SSPN: variants seen among roughly 807,000 people sequenced by gnomAD.
SSPN encodes the protein K-ras oncogene-associated protein.
Under a neutral mutation model 19.1 loss-of-function variants are expected in SSPN, and 15 were observed. The observed-to-expected ratio is 0.78, with a 90% CI of 0.52 to 1.21. The LOEUF is 1.21. Among genes scored for constraint, SSPN ranks in the 50% most tolerant of loss-of-function variants. SSPN has a pLI of 0.00. For synonymous variants in SSPN, 147 were observed against 140.3 expected (o/e 1.05, Z -0.34); for missense variants, 291 against 314.0 (o/e 0.93, Z 0.55).
Position 26,215,175 on chromosome 12 carries a change from G to A in SSPN, c.280-9118G>A, listed in dbSNP as rs890560515. 3.3e-5 allele frequency among the ~76,000 whole-genome samples: 5 copies of A among 152,170 alleles called. No homozygotes were observed. In the South Asian group the frequency reaches 6.2e-4, roughly 19 times the overall value. On this transcript the variant is annotated intron_variant, in intron 1 of 2. Transcript: ENST00000242729. ...CACAGTAAAGGTTGAGCTAAATTCT[G>A]TTGGAGAGTGATACCTAGATTAGGG...
At chr12:26,201,069 A>T (rs1944880752) in intron 1 of SSPN, among the ~76,000 whole-genome samples, 1 of 141,340 alleles carries the variant, frequency 7.1e-6, no homozygotes, top group Non-Finnish European at 1.5e-5. Context: ...TTTGGAAATA[A>T]AATGGAATAT....
intron 1 of SSPN, among the ~76,000 whole-genome samples, chr12:26,151,623 A>G (rs1944526077): frequency 1.3e-5 from 2 of 152,194 alleles, no homozygotes; most frequent in African/African-American, 2.4e-5. Context: ...CCCTGCCCCC[A>G]TGGAGCTTGC....
intron 1 of SSPN, among the ~76,000 whole-genome samples, chr12:26,203,699 G>A (rs1428088270): frequency 2.0e-5 from 3 of 152,054 alleles, no homozygotes; most frequent in Non-Finnish European, 2.9e-5. Context: ...TGTCTTAGTC[G>A]GCTCAGGCTG....
intron 1 of SSPN, among the ~76,000 whole-genome samples, chr12:26,202,535 A>G (rs979676562): frequency 2.0e-5 from 3 of 152,242 alleles, no homozygotes; most frequent in Admixed American, 2.0e-4. Flanking sequence ...TGAATGCTAG[A>G]TGTTGATATT....
intron 1 of SSPN, chr12:26,124,218 G>C (rs747354885): frequency 7.4e-7 from 1 of 1,352,798 alleles, no homozygotes; most frequent in South Asian, 1.2e-5. Flanking sequence ...AAAACAGTAA[G>C]CGAAACATTC....
At chr12:26,200,858 C>G (rs1472210250) in intron 1 of SSPN, among the ~76,000 whole-genome samples, 1 of 151,216 alleles carries the variant, frequency 6.6e-6, no homozygotes, top group Admixed American at 6.6e-5. Context: ...TTGTTAGGAA[C>G]TGAGGAGAGA....
chr12:26,199,430 A>C (rs1944859121), intron 1 of SSPN, among the ~76,000 whole-genome samples: 1 of 152,250 alleles, frequency 6.6e-6, no homozygotes, highest in African/African-American at 2.4e-5. Flanking sequence ...CGTAACCTGT[A>C]AAAGTGCTGT....
Position 26,233,322 on chromosome 12 carries a change from C to T in SSPN, c.*2246C>T, listed in dbSNP as rs1945253923. On this transcript the variant is annotated 3_prime_UTR_variant, in exon 3 of 3. Transcript: ENST00000242729. The surrounding 1 kb of genome is among the most constrained non-coding windows in gnomAD (Gnocchi z 4.3). ...TGTAATAAGCTTTATAATAGTATAA[C>T]CGTCAGGAGATATATATATATATAT... 1 of 131,430 alleles carries T rather than the reference C, an allele frequency of 7.6e-6. No homozygotes were observed. Among genetic ancestry groups the T allele is most frequent in the Non-Finnish European group, 1.5e-5 (1 of 65,608 alleles). The allele number at this position is 131,430 out of a possible 1,614,324, so 8.1% of individuals were successfully genotyped here. A position where few individuals can be genotyped will look rare whatever the true frequency, so the allele number is the denominator to read the frequency against.
intron 1 of SSPN, among the ~76,000 whole-genome samples, chr12:26,168,973 G>A (rs1383729656): frequency 6.6e-6 from 1 of 151,160 alleles, no homozygotes. Flanking sequence ...ACAGGGTAAA[G>A]ACATAATGGT....
intron 1 of SSPN, among the ~76,000 whole-genome samples, chr12:26,165,830 T>A (rs1260445693): frequency 6.6e-6 from 1 of 152,230 alleles, no homozygotes; most frequent in East Asian, 1.9e-4. Context: ...GCTGGCCAGT[T>A]GTTCTCAGGC....
At chr12:26,141,330 C>T (rs895723839) in intron 1 of SSPN, among the ~76,000 whole-genome samples, 9 of 152,080 alleles carry the variant, frequency 5.9e-5, no homozygotes, top group Admixed American at 3.3e-4. Flanking sequence ...GACGGGAAAA[C>T]GTAAGGAAAT....
chr12:26,130,439 T>A (rs1370279011), intron 1 of SSPN, among the ~76,000 whole-genome samples: 4 of 152,086 alleles, frequency 2.6e-5, no homozygotes, highest in Admixed American at 2.6e-4. Context: ...ACTCCTACTT[T>A]AAAAAAACAA....
intron 1 of SSPN, among the ~76,000 whole-genome samples, chr12:26,172,721 A>C (rs926797242): frequency 3.3e-5 from 5 of 151,652 alleles, no homozygotes; most frequent in African/African-American, 1.2e-4. Flanking sequence ...ATCCTCAAAA[A>C]CACTTGTTTT....
At chr12:26,166,262 A>T (rs1425804425) in intron 1 of SSPN, among the ~76,000 whole-genome samples, 2 of 152,202 alleles carry the variant, frequency 1.3e-5, no homozygotes, top group Admixed American at 1.3e-4. Context: ...CCAGAACTTA[A>T]AGTATAATAA....
upstream of SSPN, among the ~76,000 whole-genome samples, chr12:26,190,847 C>A (rs1944783090): frequency 6.6e-6 from 1 of 152,170 alleles, no homozygotes; most frequent in Non-Finnish European, 1.5e-5. Flanking sequence ...AACTAAGACC[C>A]ATATGATCAC....
rs144410569 is a variant in SSPN, at chr12:26,137,436, A to C, written c.-31+15284A>C. 9.9e-5 allele frequency among the ~76,000 whole-genome samples: 15 copies of C among 152,054 alleles called. No homozygotes were observed. The East Asian group carries it at 2.7e-3, about 27-fold the overall frequency. On this transcript the variant is annotated intron_variant, in intron 1 of 2. Coordinates refer to the SSPN transcript ENST00000538142. ...AACTGTGAGCATAAGGTTAAGCTTT[A>C]CGAATACCTGTTTGCCTAGTTGGGA...
chr12:26,182,830 T>G (rs981518407), intron 1 of SSPN, among the ~76,000 whole-genome samples: 3 of 151,548 alleles, frequency 2.0e-5, no homozygotes, highest in African/African-American at 7.3e-5. Context: ...TAGGGCAATC[T>G]GTGCTCACTA....
In SSPN at chr12:26,130,772, T is replaced by G. The variant is rs183881133; in HGVS notation, c.-31+8620T>G. Among the ~76,000 whole-genome samples the G allele has an allele frequency of 4.3e-3, 662 of 152,306 alleles. 4 individuals are homozygous for G. Among genetic ancestry groups the G allele is most frequent in the African/African-American group, 0.014 (593 of 41,552 alleles). On this transcript the variant is annotated intron_variant, in intron 1 of 2. Transcript: ENST00000538142. Reference sequence around the variant, plus strand: ...TAAAAGTGCCATCAGTGTCCCACACTTCTGCTTTTCCACTCTCCACCAGCG... The same window carrying G: ...TAAAAGTGCCATCAGTGTCCCACACGTCTGCTTTTCCACTCTCCACCAGCG...
chr12:26,195,641 G>GCTGCCCCC lies in SSPN; in HGVS notation c.-31_-30insTGCCCCCC. ...CTCCAGGGCCCAGGGCGCCGCACAC[G>GCTGCCCCC]CACCCACCCACCCACCCAGCCTCGC... On this transcript the variant is annotated 5_prime_UTR_variant, in exon 1 of 3. Transcript: ENST00000242729. 1.8e-6 allele frequency: 2 copies of GCTGCCCCC among 1,105,396 alleles called. No individual in the cohort carries two copies. The highest frequency in any genetic ancestry group is 2.3e-6 in the Non-Finnish European group (2 of 878,114). 68.5% of individuals were successfully genotyped at this position (1,105,396 alleles called of 1,614,324 possible).
Sources: gnomAD v4.1 joint callset for allele counts (sites outside exome capture counted in the v4.1 genomes callset) on GRCh38, gnomAD v4.1.1 for gene constraint, Gnocchi (gnomAD v3.1) non-coding constraint, MANE v1.5 for transcripts, NCBI Gene and HGNC (gene_info 2026-07-23, HGNC 2026-07-21) for gene names.